Variants in RSPO4 observed in about 807,000 individuals in gnomAD.
RSPO4 encodes R-spondin-4.
A neutral mutation model predicts 24.8 loss-of-function variants in RSPO4; 23 were observed. The observed-to-expected ratio is 0.93, with a 90% CI of 0.67 to 1.31. The LOEUF (loss-of-function observed/expected upper bound fraction) is 1.31. Among genes scored for constraint, RSPO4 ranks in the 40% most tolerant of loss-of-function variants. The pLI, the probability that RSPO4 is intolerant of heterozygous loss-of-function variation, is 0.00. For missense variants in RSPO4, 333 were observed against 316.5 expected (o/e 1.05, Z -0.39); for synonymous variants, 141 against 127.4 (o/e 1.11, Z -0.72).
chr20:964,785 TATACACATATATAC>T (rs1429306212), intron 3 of RSPO4, among the ~76,000 whole-genome samples: 2 of 122,406 alleles, frequency 1.6e-5, no homozygotes, highest in African/African-American at 7.7e-5. Flanking sequence ...CACATATATA[TATACACATATATAC>T]ACACATACAC....
At chr20:972,817 C>A (rs1040239962) in intron 1 of RSPO4, among the ~76,000 whole-genome samples, 7 of 152,216 alleles carry the variant, frequency 4.6e-5, no homozygotes, top group Non-Finnish European at 1.0e-4. Context: ...GCTGTGTAAG[C>A]CCACTGGGCC....
chr20:985,657 T>C (rs1984898093), intron 1 of RSPO4, among the ~76,000 whole-genome samples: 1 of 152,194 alleles, frequency 6.6e-6, no homozygotes, highest in Admixed American at 6.5e-5. Flanking sequence ...ACATCCTCTC[T>C]AGGACTTATT....
intron 1 of RSPO4, among the ~76,000 whole-genome samples, chr20:991,500 A>G (rs543543975): frequency 5.6e-4 from 85 of 152,220 alleles, no homozygotes; most frequent in Non-Finnish European, 1.0e-3. Flanking sequence ...ATTGACAAGA[A>G]AAATTCAGGA....
At position 1,002,249 on chromosome 20, in the gene RSPO4, G is replaced by GGGGCTGCTGTGGGCGCGCCGGGCGCA. The variant is rs1568938930; in HGVS notation, c.-86_-85insTGCGCCCGGCGCGCCCACAGCAGCCC. The GGGGCTGCTGTGGGCGCGCCGGGCGCA allele has an allele frequency of 1.1e-6, 1 of 923,878 alleles. No individual in the cohort carries two copies. The highest frequency in any genetic ancestry group is 1.8e-5 in the African/African-American group (1 of 56,540). The allele number at this position is 923,878 out of a possible 1,614,324, so 57.2% of individuals were successfully genotyped here. A position where few individuals can be genotyped will look rare whatever the true frequency, so the allele number is the denominator to read the frequency against. On this transcript the variant is annotated 5_prime_UTR_variant, in exon 1 of 5. Coordinates refer to ENST00000217260, the MANE Select transcript of RSPO4 (RefSeq NM_001029871.4). The surrounding 1 kb of genome is among the most constrained non-coding windows in gnomAD (Gnocchi z 4.6). Reference sequence around the variant, plus strand: ...GTCCCGGCGGCGGCACGGCGGGCGCGGGGGCTGCTGTGGGCGCGCCGGGCG... The same window carrying GGGGCTGCTGTGGGCGCGCCGGGCGCA: ...GTCCCGGCGGCGGCACGGCGGGCGCGGGGCTGCTGTGGGCGCGCCGGGCGCAGGGGCTGCTGTGGGCGCGCCGGGCG...
chr20:987,677 G>A (rs1380665101), intron 1 of RSPO4, among the ~76,000 whole-genome samples: 2 of 152,130 alleles, frequency 1.3e-5, no homozygotes, highest in Non-Finnish European at 2.9e-5. Flanking sequence ...TATAGTCCCA[G>A]CTACTCAGGA....
At chr20:962,383 G>A (rs767987796) in intron 4 of RSPO4, among the ~76,000 whole-genome samples, 30 of 152,310 alleles carry the variant, frequency 2.0e-4, no homozygotes, top group Admixed American at 4.6e-4. Flanking sequence ...ACTAAGCACA[G>A]CCAGCACATG....
At chr20:991,134 T>G (rs1475940379) in intron 1 of RSPO4, among the ~76,000 whole-genome samples, 1 of 151,994 alleles carries the variant, frequency 6.6e-6, no homozygotes, top group East Asian at 1.9e-4. Flanking sequence ...AAAGAAGGGG[T>G]CTCACCACAT....
Position 964,255 on chromosome 20 carries a change from CAG to C in RSPO4, c.410-137_410-136del, listed in dbSNP as rs374466290. On this transcript the variant is annotated intron_variant, in intron 3 of 4. Coordinates refer to ENST00000217260, the MANE Select transcript of RSPO4 (RefSeq NM_001029871.4). ...AGACACCACTTCCACCTGCTAGGAG[CAG>C]AGTTATTTATAAGAGCCTGGAATGA... is the stretch of plus-strand genomic sequence containing the variant. The C allele has an allele frequency of 1.3e-4, 89 of 667,862 alleles. No individual in the cohort carries two copies. In the African/African-American group the frequency reaches 1.4e-3, roughly 10 times the overall value. 41.4% of individuals were successfully genotyped at this position (667,862 alleles called of 1,614,324 possible). A position where few individuals can be genotyped will look rare whatever the true frequency, so the allele number is the denominator to read the frequency against.
intron 1 of RSPO4, among the ~76,000 whole-genome samples, chr20:980,350 C>T (rs1223506347): frequency 6.6e-6 from 1 of 152,152 alleles, no homozygotes; most frequent in Non-Finnish European, 1.5e-5. Context: ...GTGCTGAGGC[C>T]TTCTTCGGTG....
Position 981,976 on chromosome 20 carries a change from A to T in RSPO4, c.80-13838T>A, listed in dbSNP as rs990331734. Reference sequence around the variant, plus strand: ...ACATCTATTCTGCCCTCCATTAGCTACTCATTAAGAGAAGTTACATTTGTG... The same window carrying T: ...ACATCTATTCTGCCCTCCATTAGCTTCTCATTAAGAGAAGTTACATTTGTG... On this transcript the variant is annotated intron_variant, in intron 1 of 4. Coordinates refer to ENST00000217260, the MANE Select transcript of RSPO4 (RefSeq NM_001029871.4). This position sits in a 1 kb window ranked among gnomAD's most constrained non-coding sequence, Gnocchi z 4.6. Among the ~76,000 whole-genome samples, 1 of 151,726 alleles carries T rather than the reference A, an allele frequency of 6.6e-6. No homozygotes were observed. The highest frequency in any genetic ancestry group is 2.4e-5 in the African/African-American group (1 of 41,264).
At chr20:990,233 C>T (rs867119334) in intron 1 of RSPO4, among the ~76,000 whole-genome samples, 1 of 152,232 alleles carries the variant, frequency 6.6e-6, no homozygotes, top group East Asian at 1.9e-4. Context: ...TCTCAGGTCC[C>T]GAGGCACACC....
At chr20:985,055 C>CCACT (rs1984868455) in intron 1 of RSPO4, among the ~76,000 whole-genome samples, 1 of 101,412 alleles carries the variant, frequency 9.9e-6, no homozygotes, top group Non-Finnish European at 1.8e-5. Context: ...AATCACCCAC[C>CCACT]CATCTATCCA....
chr20:982,195 C>T (rs558783364), intron 1 of RSPO4, among the ~76,000 whole-genome samples: 202 of 152,324 alleles, frequency 1.3e-3, no homozygotes, highest in African/African-American at 4.8e-3. Context: ...TCCAGACCCA[C>T]CTGCCCAGAG....
intron 3 of RSPO4, 99 bp from the exon 4 acceptor site, chr20:964,219 CT>C (rs1312576595): frequency 3.6e-6 from 3 of 837,466 alleles, no homozygotes; most frequent in Non-Finnish European, 5.5e-6. Context: ...GTTCAGTCCT[CT>C]GAAGACTGAA....
chr20:967,262 G>A lies in RSPO4; in HGVS notation c.321C>T (p.Cys107=). The change falls in exon 3 of 5, where the codon TGC becomes TGT. Residue 107 remains cysteine (C), a synonymous_variant. Coordinates refer to ENST00000217260, the MANE Select transcript of RSPO4 (RefSeq NM_001029871.4). ...CCTTGTACAAGTAAAACTGCCTCTT[G>A]CACCGGATGCAGAAGTCCTGGCTGA... is the stretch of plus-strand genomic sequence containing the variant. ...SCFSQDFCIR[C]KRQFYLYKGK... The A allele has an allele frequency of 1.2e-6, 2 of 1,614,224 alleles. No individual in the cohort carries two copies. Among genetic ancestry groups the A allele is most frequent in the East Asian group, 2.2e-5 (1 of 44,890 alleles).
At chr20:973,284 C>A (rs921767745) in intron 1 of RSPO4, among the ~76,000 whole-genome samples, 2 of 152,194 alleles carry the variant, frequency 1.3e-5, no homozygotes, top group Non-Finnish European at 2.9e-5. Flanking sequence ...GGAGACAAAG[C>A]AAAGCTCTTA....
chr20:971,732 C>T (rs1984413580), intron 1 of RSPO4, among the ~76,000 whole-genome samples: 1 of 152,188 alleles, frequency 6.6e-6, no homozygotes, highest in African/African-American at 2.4e-5. Context: ...GACTAACCAA[C>T]ACTGAATTCA....
At chr20:964,368 G>C (rs79929823) in intron 3 of RSPO4, among the ~76,000 whole-genome samples, 3,149 of 152,280 alleles carry the variant, frequency 0.021, 49 homozygotes, top group Middle Eastern at 0.068. Context: ...GCTTCCTGGA[G>C]GAGGTGATGT....
rs190880815 is a variant in RSPO4, at chr20:983,260, C to T, written c.80-15122G>A. On this transcript the variant is annotated intron_variant, in intron 1 of 4. Coordinates refer to ENST00000217260, the MANE Select transcript of RSPO4 (RefSeq NM_001029871.4). ...ATGACCTTTGGCAGAGCACCTGGAGCTTCCAAGGGGTGGCAGAGAGTTGGG... is the reference window on the plus strand; with the variant it reads ...ATGACCTTTGGCAGAGCACCTGGAGTTTCCAAGGGGTGGCAGAGAGTTGGG... 9.9e-5 allele frequency among the ~76,000 whole-genome samples: 15 copies of T among 151,968 alleles called. 1 individual carries two copies. The East Asian group carries it at 2.9e-3, about 29-fold the overall frequency.
Sources: gnomAD v4.1 joint callset for allele counts (sites outside exome capture counted in the v4.1 genomes callset) on GRCh38, gnomAD v4.1.1 for gene constraint, Gnocchi (gnomAD v3.1) non-coding constraint, MANE v1.5 for transcripts, NCBI Gene and HGNC (gene_info 2026-07-23, HGNC 2026-07-21) for gene names.